F2: variants seen among roughly 807,000 people sequenced by gnomAD.
F2 encodes the protein prothrombin.
In F2, 34 loss-of-function variants were observed where a neutral mutation model predicts 81.9. That is an observed-to-expected ratio of 0.42 (90% CI 0.32 to 0.55). The LOEUF is 0.55. Among genes scored for constraint, F2 ranks in the 20% least tolerant of loss-of-function variants. The pLI is 0.18. For missense variants in F2, 630 were observed against 833.4 expected (o/e 0.76, Z 3.00); for synonymous variants, 296 against 326.4 (o/e 0.91, Z 1.01).
At chr11:46,720,043 T>C (rs1017358308) in intron 2 of F2, 181 bp downstream of exon 2, 3 of 816,110 alleles carry the variant, frequency 3.7e-6, no homozygotes, top group Non-Finnish European at 5.8e-6. Flanking sequence ...TGGGGGTCTC[T>C]GTGCCTGGAC....
chr11:46,720,132 A>G, intron 2 of F2: 1 of 574,922 alleles, frequency 1.7e-6, no homozygotes, highest in South Asian at 2.0e-5. Context: ...CTCTGTGTCC[A>G]CATGGCCTCC....
chr11:46,735,482 C>T (rs1592419718), intron 12 of F2, among the ~76,000 whole-genome samples: 1 of 151,914 alleles, frequency 6.6e-6, no homozygotes, highest in East Asian at 1.9e-4. Flanking sequence ...ATTAGCTGGG[C>T]ATGGTGGCAT....
At chr11:46,730,739 A>G (rs966639849) in intron 12 of F2, among the ~76,000 whole-genome samples, 22 of 150,490 alleles carry the variant, frequency 1.5e-4, no homozygotes, top group African/African-American at 5.4e-4. Context: ...GATTTCCTGT[A>G]TACTGTCATC....
At position 46,725,902 on chromosome 11, in the gene F2, C is replaced by T. The variant is rs1467246075; in HGVS notation, c.603C>T (p.Gly201=). The change falls in exon 7 of 14, where the codon GGC becomes GGT. Residue 201 remains glycine (G), a synonymous_variant. Transcript: ENST00000311907. ...TAGCGATGACTCCACGCTCCGAAGG[C>T]TCCAGTGTGAATCTGTCACCTCCAT... ...VTVAMTPRSE[G]SSVNLSPPLE... is the part of the protein sequence containing the mutation. 1 of 1,613,684 alleles carries T rather than the reference C, an allele frequency of 6.2e-7. No homozygotes were observed. Among genetic ancestry groups the T allele is most frequent in the South Asian group, 1.1e-5 (1 of 91,072 alleles).
Position 46,723,730 on chromosome 11 carries a change from A to C in F2, c.559+212A>C, listed in dbSNP as rs2134528606. Among the ~76,000 whole-genome samples, 1 of 152,266 alleles carries C rather than the reference A, an allele frequency of 6.6e-6. No homozygotes were observed. Among genetic ancestry groups the C allele is most frequent in the Non-Finnish European group, 1.5e-5 (1 of 68,008 alleles). On this transcript the variant is annotated intron_variant, in intron 6 of 13. Coordinates refer to ENST00000311907, the MANE Select transcript of F2 (RefSeq NM_000506.5). The surrounding 1 kb of genome is among the most constrained non-coding windows in gnomAD (Gnocchi z 5.6). ...ACATGGCAAAACCCCGTCTCTACTA[A>C]AAATACAAAAATTGCCAGGCGTGGT...
At chr11:46,737,639 C>T (rs1333517194) in intron 12 of F2, among the ~76,000 whole-genome samples, 1 of 151,616 alleles carries the variant, frequency 6.6e-6, no homozygotes, top group South Asian at 2.1e-4. Context: ...AGGGTTTCAC[C>T]GCGTTCGCCA....
chr11:46,737,761 G>T (rs1465786972), intron 12 of F2, among the ~76,000 whole-genome samples: 1 of 151,746 alleles, frequency 6.6e-6, no homozygotes. Context: ...TTCTATTGTG[G>T]TTCATTAATT....
intron 12 of F2, among the ~76,000 whole-genome samples, chr11:46,732,415 T>A (rs931826116): frequency 6.6e-6 from 1 of 151,602 alleles, no homozygotes; most frequent in Non-Finnish European, 1.5e-5. Context: ...TTTTTTGAGA[T>A]GGAGTTTCGC....
At chr11:46,724,961 G>A (rs890931489) in intron 6 of F2, among the ~76,000 whole-genome samples, 3 of 151,584 alleles carry the variant, frequency 2.0e-5, no homozygotes, top group Non-Finnish European at 2.9e-5. Context: ...TAGTAGAGAC[G>A]GGGTTTCACC....
chr11:46,727,108 G>A (rs1162170242), intron 9 of F2, among the ~76,000 whole-genome samples: 1 of 152,210 alleles, frequency 6.6e-6, no homozygotes, highest in African/African-American at 2.4e-5. Flanking sequence ...TGCAACTTCT[G>A]CCTTCCGGGT....
Position 46,720,774 on chromosome 11 carries a change from C to A in F2, c.266-16C>A. 1 of 1,613,918 alleles carries A rather than the reference C, an allele frequency of 6.2e-7. No homozygotes were observed. Among genetic ancestry groups the A allele is most frequent in the East Asian group, 2.2e-5 (1 of 44,878 alleles). Reference sequence around the variant, plus strand: ...CATACCCCAATCCCAAAGGTAAACACCTGGGTCTTTTCCAGCTTGTGAGAC... The same window carrying A: ...CATACCCCAATCCCAAAGGTAAACAACTGGGTCTTTTCCAGCTTGTGAGAC... On this transcript the variant is annotated splice_polypyrimidine_tract_variant and intron_variant, in intron 3 of 13. Transcript: ENST00000311907.
At chr11:46,720,386 A>G in intron 2 of F2, 137 bp from the exon 3 acceptor site, 1 of 929,428 alleles carries the variant, frequency 1.1e-6, no homozygotes, top group Non-Finnish European at 1.7e-6. Flanking sequence ...AAAGTAGGAA[A>G]CTCTGCCACA....
intron 12 of F2, among the ~76,000 whole-genome samples, chr11:46,733,801 T>C (rs1213685041): frequency 2.1e-5 from 3 of 141,508 alleles, no homozygotes; most frequent in African/African-American, 7.8e-5. Context: ...TTTTTTTTTT[T>C]TTTTTGAGAT....
Position 46,739,468 on chromosome 11 carries a change from T to C in F2, c.*60T>C, listed in dbSNP as rs2134548437. ...CCCGTGAAAGAATTATTTTTGTGTT[T>C]CTAAAACTATGGTTCCCAATAAAAG... On this transcript the variant is annotated 3_prime_UTR_variant, in exon 14 of 14. Transcript: ENST00000311907. 4.4e-6 allele frequency: 7 copies of C among 1,606,678 alleles called. No homozygotes were observed. The South Asian group carries it at 7.7e-5, about 18-fold the overall frequency.
chr11:46,729,553 T>G lies in F2; in HGVS notation c.1646T>G (p.Phe549Cys). The G allele has an allele frequency of 1.2e-6, 2 of 1,613,322 alleles. No homozygotes were observed. Among genetic ancestry groups the G allele is most frequent in the Non-Finnish European group, 1.7e-6 (2 of 1,179,410 alleles). ...CGGATCCGCATCACTGACAACATGTTCTGTGCTGGCAAGTCTGTGCAGGGC... is the reference window on the plus strand; with the variant it reads ...CGGATCCGCATCACTGACAACATGTGCTGTGCTGGCAAGTCTGTGCAGGGC... Reference protein sequence around the residue: ...STRIRITDNMFCAGYKPDEGK... With the variant: ...STRIRITDNMCCAGYKPDEGK... Residue 549 changes from phenylalanine to cysteine, a missense_variant, in exon 12 of 14, where the codon TTC becomes TGC. Transcript: ENST00000311907.
At chr11:46,720,498 C>G (rs1391066302) in intron 2 of F2, 25 bp from the exon 3 acceptor site, 3 of 1,614,044 alleles carry the variant, frequency 1.9e-6, no homozygotes, top group Non-Finnish European at 2.5e-6. Flanking sequence ...CTGCCGTAGC[C>G]TCACTCCCAG....
chr11:46,737,565 C>T lies in F2; in HGVS notation c.1655-1483C>T, dbSNP rs144396559. Among the ~76,000 whole-genome samples the T allele has an allele frequency of 2.0e-4, 30 of 151,248 alleles. No homozygotes were observed. In the East Asian group the frequency reaches 3.3e-3, roughly 17 times the overall value. On this transcript the variant is annotated intron_variant, in intron 12 of 13. Coordinates refer to ENST00000311907, the MANE Select transcript of F2 (RefSeq NM_000506.5). ...ACGCCATCCTCCTGCCTCAGCCTCC[C>T]GAGTAGCTGGGACTACAGGTGTACA... is the stretch of plus-strand genomic sequence containing the variant.
chr11:46,728,013 G>A lies in F2; in HGVS notation c.1148G>A (p.Arg383Gln), dbSNP rs774640288. 1.1e-5 allele frequency: 17 copies of A among 1,610,398 alleles called. No individual in the cohort carries two copies. The highest frequency in any genetic ancestry group is 4.0e-5 in the African/African-American group (3 of 74,778). ...GMSPWQVMLF[R>Q]KSPQELLCGA... is the part of the protein sequence containing the mutation. Reference sequence around the variant, plus strand: ...CCTCCCAGGCAGGTGATGCTTTTCCGGAAGAGTCCCCAGGAGCTGCTGTGT... The same window carrying A: ...CCTCCCAGGCAGGTGATGCTTTTCCAGAAGAGTCCCCAGGAGCTGCTGTGT... The change falls in exon 10 of 14, where the codon CGG (arginine) becomes CAG (glutamine). Residue 383 changes from arginine to glutamine, a missense_variant. Arg to Gln is a conservative substitution (Grantham distance 43). Transcript: ENST00000311907. This position sits in a 1 kb window ranked among gnomAD's most constrained non-coding sequence, Gnocchi z 5.1.
Position 46,720,876 on chromosome 11 carries a change from G to A in F2, c.316+36G>A, listed in dbSNP as rs3136435. 0.083 allele frequency: 134,369 copies of A among 1,612,902 alleles called. 8,822 individuals carry two copies. Among genetic ancestry groups the A allele is most frequent in the African/African-American group, 0.36 (27,109 of 74,902 alleles). On this transcript the variant is annotated intron_variant, in intron 4 of 13. Coordinates refer to ENST00000311907, the MANE Select transcript of F2 (RefSeq NM_000506.5). ...GACACGGGTTTGGGGAGCAGGACAT[G>A]GAGGGGAGCCTGGGAGAAGAGCTCA...
Sources: allele counts gnomAD v4.1 joint callset (sites outside exome capture counted in the v4.1 genomes callset), GRCh38; gene constraint gnomAD v4.1.1; non-coding constraint Gnocchi (gnomAD v3.1); transcripts MANE v1.5; gene names NCBI Gene and HGNC (gene_info 2026-07-23, HGNC 2026-07-21).